FAM110B: variants seen among roughly 807,000 people sequenced by gnomAD.
FAM110B encodes the protein family with sequence similarity 110 member B.
In FAM110B, 6 loss-of-function variants were observed where a neutral mutation model predicts 20.4. That is an observed-to-expected ratio of 0.29 (90% CI 0.16 to 0.58). The LOEUF (loss-of-function observed/expected upper bound fraction) is 0.58, where lower values mean the gene tolerates loss of function less well. Ranked by LOEUF, FAM110B falls within the 20% of genes least tolerant of loss-of-function variation. The pLI is 0.90. For synonymous variants in FAM110B, 226 were observed against 214.1 expected (o/e 1.06, Z -0.49); for missense variants, 434 against 498.2 (o/e 0.87, Z 1.23).
intron 2 of FAM110B, among the ~76,000 whole-genome samples, chr8:58,033,225 C>G (rs115782962): frequency 5.3e-5 from 8 of 152,072 alleles, no homozygotes; most frequent in Non-Finnish European, 1.2e-4. Flanking sequence ...CTGCAAAGGA[C>G]GTGATTGCAT....
chr8:58,030,379 G>A (rs1290454802), intron 1 of FAM110B, among the ~76,000 whole-genome samples: 2 of 152,160 alleles, frequency 1.3e-5, no homozygotes, highest in Non-Finnish European at 2.9e-5. Flanking sequence ...GAAAGTGAGT[G>A]GAAAGTATCA....
chr8:58,072,711 A>G (rs1344399466), intron 2 of FAM110B, among the ~76,000 whole-genome samples: 1 of 152,234 alleles, frequency 6.6e-6, no homozygotes, highest in Non-Finnish European at 1.5e-5. Context: ...CTATCAGCAT[A>G]AACATACATA....
rs1377269929 is a variant in FAM110B, at chr8:58,024,329, GT to G, written c.-511-7274del. Among the ~76,000 whole-genome samples the G allele has an allele frequency of 5.9e-5, 9 of 152,200 alleles. No homozygotes were observed. In the South Asian group the frequency reaches 1.9e-3, roughly 32 times the overall value. ...TAGAGAGGGGATTTTGGTCTTACTAGTTTGAACCTCAGAGAGATGTCTCTAA... is the reference window on the plus strand; with the variant it reads ...TAGAGAGGGGATTTTGGTCTTACTAGTTGAACCTCAGAGAGATGTCTCTAA... On this transcript the variant is annotated intron_variant, in intron 1 of 3. Coordinates refer to ENST00000519262, the MANE Select transcript of FAM110B (RefSeq NM_001377989.1).
At chr8:58,016,128 G>A (rs1804632442) in intron 1 of FAM110B, among the ~76,000 whole-genome samples, 1 of 152,178 alleles carries the variant, frequency 6.6e-6, no homozygotes, top group Non-Finnish European at 1.5e-5. Flanking sequence ...GATTTGGCCA[G>A]AGGGAACTGG....
At chr8:58,112,764 TTA>T (rs1585896560) in intron 3 of FAM110B, among the ~76,000 whole-genome samples, 1 of 152,234 alleles carries the variant, frequency 6.6e-6, no homozygotes, top group East Asian at 1.9e-4. Flanking sequence ...ATGTCTGGTT[TTA>T]TGTTTTTAAG....
In FAM110B at chr8:58,019,369, AGAAAGAAAGAAAAG is replaced by A. The variant is rs1206133225; in HGVS notation, c.-511-12236_-511-12223del. Among the ~76,000 whole-genome samples the A allele has an allele frequency of 1.7e-4, 25 of 149,618 alleles. 1 individual carries two copies. The South Asian group carries it at 4.8e-3, about 29-fold the overall frequency. ...AAAAAAAAAAAAAAAAAGGAAAGAAAGAAAGAAAGAAAAGAAAAGAAAGAAAAAAGAAAAAATAT... is the reference window on the plus strand; with the variant it reads ...AAAAAAAAAAAAAAAAAGGAAAGAAAAAAAGAAAGAAAAAAGAAAAAATAT... On this transcript the variant is annotated intron_variant, in intron 1 of 3. Transcript: ENST00000519262.
intron 1 of FAM110B, among the ~76,000 whole-genome samples, chr8:58,003,653 A>G (rs1017258178): frequency 9.2e-5 from 14 of 152,340 alleles, no homozygotes; most frequent in Admixed American, 9.1e-4. Context: ...TTGGGTGACC[A>G]GGGGCATTGT....
At chr8:58,048,968 G>A (rs1282828080) in intron 2 of FAM110B, among the ~76,000 whole-genome samples, 2 of 152,342 alleles carry the variant, frequency 1.3e-5, no homozygotes, top group African/African-American at 4.8e-5. Flanking sequence ...AATCATTATA[G>A]AGTAATACCG....
intron 1 of FAM110B, among the ~76,000 whole-genome samples, chr8:57,999,276 C>G (rs1263981169): frequency 6.6e-6 from 1 of 152,118 alleles, no homozygotes; most frequent in Non-Finnish European, 1.5e-5. Flanking sequence ...CTGGAAGAAT[C>G]AGAAGAATTC....
intron 2 of FAM110B, among the ~76,000 whole-genome samples, chr8:58,052,935 G>A (rs1330356323): frequency 1.3e-5 from 2 of 149,324 alleles, no homozygotes; most frequent in African/African-American, 2.5e-5. Flanking sequence ...ACAGGCGCCC[G>A]CTACCACGCC....
chr8:58,039,980 AT>A (rs1805176782), intron 2 of FAM110B, among the ~76,000 whole-genome samples: 1 of 151,388 alleles, frequency 6.6e-6, no homozygotes, highest in Non-Finnish European at 1.5e-5. Context: ...TTTTAATTAA[AT>A]TTTTAAATCT....
chr8:58,067,302 C>T (rs546499797), intron 2 of FAM110B, among the ~76,000 whole-genome samples: 11 of 152,286 alleles, frequency 7.2e-5, no homozygotes, highest in African/African-American at 2.4e-4. Flanking sequence ...AAAAAGTACA[C>T]GTCTGCATTC....
At position 57,994,635 on chromosome 8, in the gene FAM110B, C is replaced by G. The variant is rs1186064072; in HGVS notation, c.-683C>G. ...CGTCCTGGGCCCGTTCCGCCAGCCC[C>G]GTCTGCTCTCTACCCGCGGCCCCGC... On this transcript the variant is annotated 5_prime_UTR_variant, in exon 1 of 4. Coordinates refer to ENST00000519262, the MANE Select transcript of FAM110B (RefSeq NM_001377989.1). The G allele has an allele frequency of 6.6e-6, 1 of 152,384 alleles. No homozygotes were observed. Among genetic ancestry groups the G allele is most frequent in the Non-Finnish European group, 1.5e-5 (1 of 68,260 alleles). The allele number at this position is 152,384 out of a possible 1,614,324, so 9.4% of individuals were successfully genotyped here.
At chr8:58,032,066 G>A (rs552205918) in intron 2 of FAM110B, 3 of 152,424 alleles carry the variant, frequency 2.0e-5, no homozygotes, top group East Asian at 3.9e-4. Flanking sequence ...TCTGCCATTG[G>A]TTTGGCTGAG....
chr8:58,125,714 G>A (rs1807483409), intron 3 of FAM110B, among the ~76,000 whole-genome samples: 1 of 152,120 alleles, frequency 6.6e-6, no homozygotes, highest in Admixed American at 6.5e-5. Flanking sequence ...CTTATGACCT[G>A]AGAAACATGT....
At chr8:58,054,880 G>A (rs1366525672) in intron 2 of FAM110B, among the ~76,000 whole-genome samples, 1 of 151,716 alleles carries the variant, frequency 6.6e-6, no homozygotes, top group African/African-American at 2.4e-5. Context: ...AAAATTAACA[G>A]TTATTTCATA....
At chr8:58,048,883 G>A (rs1805383595) in intron 2 of FAM110B, among the ~76,000 whole-genome samples, 1 of 152,202 alleles carries the variant, frequency 6.6e-6, no homozygotes, top group South Asian at 2.1e-4. Flanking sequence ...TGTGTGAGTA[G>A]TCATAGCTCA....
intron 1 of FAM110B, among the ~76,000 whole-genome samples, chr8:57,996,815 T>A (rs1234819016): frequency 6.6e-6 from 1 of 152,212 alleles, no homozygotes; most frequent in African/African-American, 2.4e-5. Flanking sequence ...AAGATAAATA[T>A]GTCTACTGTA....
At chr8:58,023,369 G>A (rs1022191399) in intron 1 of FAM110B, among the ~76,000 whole-genome samples, 5 of 152,136 alleles carry the variant, frequency 3.3e-5, no homozygotes, top group Non-Finnish European at 7.4e-5. Flanking sequence ...GATTTTGCAT[G>A]TAAAACTGAG....
Sources: allele counts gnomAD v4.1 joint callset (sites outside exome capture counted in the v4.1 genomes callset), GRCh38; gene constraint gnomAD v4.1.1; transcripts MANE v1.5; gene names NCBI Gene and HGNC (gene_info 2026-07-23, HGNC 2026-07-21).